EYS: variants seen among roughly 807,000 people sequenced by gnomAD.
The protein encoded by EYS is protein eyes shut homolog.
EYS carries 250 observed loss-of-function variants against 282.1 expected under a neutral mutation model. The ratio of observed to expected loss-of-function variants is 0.89; its 90% CI spans 0.80 to 0.98. The LOEUF (loss-of-function observed/expected upper bound fraction) is 0.98. Ranked by LOEUF, EYS falls within the 50% of genes least tolerant of loss-of-function variation. The pLI is 0.00. For synonymous variants in EYS, 1,355 were observed against 1,282.9 expected, an observed-to-expected ratio of 1.06 and a Z score of -1.20; for missense variants, 4,016 against 3,709.0, an observed-to-expected ratio of 1.08 and a Z score of -2.15.
chr6:64,194,909 A>G (rs148624049), intron 31 of EYS, among the ~76,000 whole-genome samples: 49 of 152,240 alleles, frequency 3.2e-4, no homozygotes, highest in Non-Finnish European at 5.4e-4. Context: ...TGTACACTGG[A>G]TTACTATTCT....
In EYS at chr6:65,088,212, A is replaced by T. The variant is rs561190245; in HGVS notation, c.2024-30485T>A. On this transcript the variant is annotated intron_variant, in intron 12 of 42. Coordinates refer to ENST00000503581, the MANE Select transcript of EYS (RefSeq NM_001142800.2). ...AATACAGTAAATCGGTACCACAGAG[A>T]GTGGGGTACTGCTATAAAGATACCC... 6.8e-4 allele frequency among the ~76,000 whole-genome samples: 103 copies of T among 152,264 alleles called. 2 individuals carry two copies. In the South Asian group the frequency reaches 0.021, roughly 31 times the overall value.
intron 9 of EYS, among the ~76,000 whole-genome samples, chr6:65,344,947 T>G (rs1267235304): frequency 6.6e-6 from 1 of 151,676 alleles, no homozygotes; most frequent in Admixed American, 6.6e-5. Context: ...CTAAAGAATC[T>G]TTTAGCAAAA....
At chr6:63,767,176 C>A (rs548148090) in intron 40 of EYS, among the ~76,000 whole-genome samples, 1 of 152,034 alleles carries the variant, frequency 6.6e-6, no homozygotes, top group Non-Finnish European at 1.5e-5. Flanking sequence ...TGCAACAAGA[C>A]AAGGATGCCC....
At chr6:64,407,618 G>T (rs1214521884) in intron 28 of EYS, among the ~76,000 whole-genome samples, 2 of 152,008 alleles carry the variant, frequency 1.3e-5, no homozygotes, top group East Asian at 3.9e-4. Flanking sequence ...AATATAAATT[G>T]TTTTCAAGGA....
chr6:64,957,171 TAA>T (rs1419925207), intron 14 of EYS, among the ~76,000 whole-genome samples: 1 of 152,128 alleles, frequency 6.6e-6, no homozygotes, highest in African/African-American at 2.4e-5. Flanking sequence ...GCAAGCAACC[TAA>T]GTGTCCATCA....
In EYS at chr6:64,856,780, G is replaced by GT. The variant is rs527389067; in HGVS notation, c.2992+29916dup. ...TTAAACTTATAAGTTTCCAACTTAT[G>GT]TTTTTTTTTCTTCTCTCATGGATCA... On this transcript the variant is annotated intron_variant, in intron 19 of 42. Transcript: ENST00000503581. 2.0e-3 allele frequency among the ~76,000 whole-genome samples: 294 copies of GT among 150,714 alleles called. 2 individuals carry two copies. Among genetic ancestry groups the GT allele is most frequent in the Admixed American group, 4.2e-3 (64 of 15,134 alleles).
Position 63,862,675 on chromosome 6 carries a change from C to T in EYS, c.7228+1511G>A, listed in dbSNP as rs1772564165. The stretch of plus-strand genomic sequence containing the variant: ...CTCTTAGTAATCAAATTTATTATAA[C>T]CAATTATATTTTTTCAATAGCTTTT... On this transcript the variant is annotated intron_variant, in intron 36 of 42. Transcript: ENST00000503581. Among the ~76,000 whole-genome samples the T allele has an allele frequency of 3.3e-5, 5 of 152,046 alleles. No homozygotes were observed. The South Asian group carries it at 1.0e-3, about 32-fold the overall frequency.
At position 65,654,827 on chromosome 6, in the gene EYS, G is replaced by A. The variant is rs574694661; in HGVS notation, c.-447-14935C>T. Among the ~76,000 whole-genome samples, 60 of 151,556 alleles carry A rather than the reference G, an allele frequency of 4.0e-4. No individual in the cohort carries two copies. The South Asian group carries it at 6.0e-3, about 15-fold the overall frequency. ...CCATACCACGGAGAGACACAAAGTG[G>A]TACCAGAGACCAGCTCATTAAGTTT... On this transcript the variant is annotated intron_variant, in intron 1 of 42. Coordinates refer to ENST00000503581, the MANE Select transcript of EYS (RefSeq NM_001142800.2).
chr6:63,765,377 T>A (rs78320951), intron 40 of EYS, among the ~76,000 whole-genome samples: 2 of 151,752 alleles, frequency 1.3e-5, no homozygotes, highest in Non-Finnish European at 2.9e-5. Flanking sequence ...GTGAATTACT[T>A]AGGGAAGGCT....
intron 2 of EYS, among the ~76,000 whole-genome samples, chr6:65,563,357 A>G (rs1188404383): frequency 1.3e-5 from 2 of 150,830 alleles, no homozygotes; most frequent in African/African-American, 2.4e-5. Context: ...CTAAATATGT[A>G]GTCATATTAC....
chr6:65,037,627 A>G (rs915516334), intron 13 of EYS, among the ~76,000 whole-genome samples: 1 of 151,906 alleles, frequency 6.6e-6, no homozygotes, highest in African/African-American at 2.4e-5. Context: ...CAAAATACAC[A>G]TATGTGTTAA....
In EYS at chr6:65,495,173, A is replaced by T; in HGVS notation, c.238T>A (p.Leu80Met). The change falls in exon 4 of 43, where the codon TTG becomes ATG. Residue 80 changes from leucine (L) to methionine (M), a missense_variant. By Grantham distance (15) the Leu-to-Met change is conservative. Coordinates refer to ENST00000503581, the MANE Select transcript of EYS (RefSeq NM_001142800.2). ...GNQAVPQICP[L>M]QIQLGDILVI... ...AGGATATCTCCTAATTGAATTTGCAAAGGGCAAATCTGGGGAACAGCTTGA... is the reference window on the plus strand; with the variant it reads ...AGGATATCTCCTAATTGAATTTGCATAGGGCAAATCTGGGGAACAGCTTGA... 1 of 1,614,024 alleles carries T rather than the reference A, an allele frequency of 6.2e-7. No individual in the cohort carries two copies. Among genetic ancestry groups the T allele is most frequent in the Non-Finnish European group, 8.5e-7 (1 of 1,179,884 alleles).
chr6:65,061,277 G>A (rs1335598219), intron 12 of EYS, among the ~76,000 whole-genome samples: 3 of 151,900 alleles, frequency 2.0e-5, no homozygotes, highest in East Asian at 3.9e-4. Flanking sequence ...ATAAGCATAA[G>A]TAGTTTGAAC....
At chr6:64,057,396 A>ATTTTTT (rs755108636) in intron 33 of EYS, among the ~76,000 whole-genome samples, 207 of 149,914 alleles carry the variant, frequency 1.4e-3, no homozygotes, top group African/African-American at 4.7e-3. Context: ...TTTTTTTTTA[A>ATTTTTT]AAATAGAATG....
chr6:64,733,231 G>A (rs139959206), intron 22 of EYS: 1 of 152,726 alleles, frequency 6.5e-6, no homozygotes, highest in East Asian at 1.9e-4. Context: ...TAGGCTTTAG[G>A]GCCTGGGAGG....
chr6:64,745,145 C>T (rs1047751242), intron 22 of EYS, among the ~76,000 whole-genome samples: 1 of 152,070 alleles, frequency 6.6e-6, no homozygotes, highest in Non-Finnish European at 1.5e-5. Flanking sequence ...TTCTTTGAAA[C>T]ATTTCTAAAA....
chr6:65,211,096 T>C (rs1305781207), intron 12 of EYS, among the ~76,000 whole-genome samples: 1 of 152,002 alleles, frequency 6.6e-6, no homozygotes, highest in Non-Finnish European at 1.5e-5. Flanking sequence ...ATTAGCGATA[T>C]TAAATCCTGA....
chr6:63,759,755 G>A (rs913299658), intron 41 of EYS, among the ~76,000 whole-genome samples: 3 of 152,182 alleles, frequency 2.0e-5, no homozygotes, highest in Middle Eastern at 3.4e-3. Context: ...TGAAAAACAA[G>A]TATTTGAAAA....
intron 2 of EYS, among the ~76,000 whole-genome samples, chr6:65,593,787 C>A (rs1430423796): frequency 6.6e-6 from 1 of 151,802 alleles, no homozygotes. Context: ...GGAAGTGTTT[C>A]TGTCAGGTAT....
Sources: gnomAD v4.1 joint callset for allele counts (sites outside exome capture counted in the v4.1 genomes callset) on GRCh38, gnomAD v4.1.1 for gene constraint, MANE v1.5 for transcripts, NCBI Gene and HGNC (gene_info 2026-07-23, HGNC 2026-07-21) for gene names.